Variants in HIVEP3 observed in about 807,000 individuals in gnomAD.
HIVEP3 encodes the protein HIVEP zinc finger 3.
In HIVEP3, 49 loss-of-function variants were observed where a neutral mutation model predicts 152.8. That is an observed-to-expected ratio of 0.32 (90% CI 0.26 to 0.41). The LOEUF is 0.41. Ranked by LOEUF, HIVEP3 falls within the 10% of genes least tolerant of loss-of-function variation. The pLI is 1.00. For missense variants in HIVEP3, 2,790 were observed against 3,103.3 expected (o/e 0.90, Z 2.40); for synonymous variants, 1,269 against 1,289.0 (o/e 0.98, Z 0.33).
intron 5 of HIVEP3, among the ~76,000 whole-genome samples, chr1:41,528,051 C>CCGT (rs1553220932): frequency 9.6e-5 from 12 of 124,818 alleles, no homozygotes; most frequent in Non-Finnish European, 1.6e-4. Flanking sequence ...CTCCACACCC[C>CCGT]CCTCACTTAC....
chr1:42,021,424 C>T (rs951012537), intron 1 of HIVEP3, among the ~76,000 whole-genome samples: 1 of 152,064 alleles, frequency 6.6e-6, no homozygotes, highest in Admixed American at 6.6e-5. Flanking sequence ...GTGGACAATG[C>T]TGCCATTTTA....
intron 1 of HIVEP3, among the ~76,000 whole-genome samples, chr1:41,783,026 A>G (rs1433665494): frequency 6.6e-6 from 1 of 152,152 alleles, no homozygotes; most frequent in Non-Finnish European, 1.5e-5. Flanking sequence ...TGGAAACCAA[A>G]CCAGGTTCCA....
chr1:41,527,450 TCACACC>T (rs1488268758), intron 5 of HIVEP3, among the ~76,000 whole-genome samples: 1 of 52,546 alleles, frequency 1.9e-5, no homozygotes, highest in Non-Finnish European at 3.9e-5. Context: ...ACCCTCACCC[TCACACC>T]CCTGTCCTCA....
chr1:41,543,618 C>T (rs1255805514), intron 5 of HIVEP3: 1 of 152,252 alleles, frequency 6.6e-6, no homozygotes, highest in African/African-American at 2.4e-5. Flanking sequence ...GCATAGACCC[C>T]TCAACACCTG....
intron 1 of HIVEP3, among the ~76,000 whole-genome samples, chr1:41,828,815 A>G (rs1244819593): frequency 6.6e-6 from 1 of 152,186 alleles, no homozygotes; most frequent in Non-Finnish European, 1.5e-5. Flanking sequence ...TCCATCCAGA[A>G]TCCCTTTCAT....
rs139361589 is a variant in HIVEP3 at position 41,510,922 on chromosome 1, C to T, written c.6750G>A (p.Ser2250=). The change falls in exon 9 of 9, where the codon TCG becomes TCA. Residue 2250 remains serine, a synonymous_variant. Transcript: ENST00000372583. ...ERGRWSPTES[S]SASVSPVAKV... The stretch of plus-strand genomic sequence containing the variant: ...TAGCCACAGGCGACACGGAGGCTGA[C>T]GAGCTCTCAGTGGGACTCCAGCGGC... 24 of 1,613,576 alleles carry T rather than the reference C, an allele frequency of 1.5e-5. No homozygotes were observed. Among genetic ancestry groups the T allele is most frequent in the African/African-American group, 4.0e-5 (3 of 75,024 alleles).
At chr1:41,851,967 G>T (rs1010118127) in intron 1 of HIVEP3, among the ~76,000 whole-genome samples, 1 of 152,222 alleles carries the variant, frequency 6.6e-6, no homozygotes, top group Non-Finnish European at 1.5e-5. Context: ...GCCTCATGGG[G>T]CTGGTAGAAA....
chr1:41,648,739 GCAAGAC>G (rs1406035140), intron 2 of HIVEP3, among the ~76,000 whole-genome samples: 1 of 152,218 alleles, frequency 6.6e-6, no homozygotes, highest in Non-Finnish European at 1.5e-5. Context: ...TGTACCAATG[GCAAGAC>G]CAAGGCATGG....
chr1:41,792,503 G>A (rs1204140265), intron 1 of HIVEP3, among the ~76,000 whole-genome samples: 1 of 152,136 alleles, frequency 6.6e-6, no homozygotes, highest in Admixed American at 6.5e-5. Flanking sequence ...GCCATACTTA[G>A]CAGGCACTCA....
At chr1:41,849,685 T>C (rs921087054) in intron 1 of HIVEP3, among the ~76,000 whole-genome samples, 8 of 151,546 alleles carry the variant, frequency 5.3e-5, no homozygotes, top group African/African-American at 1.2e-4. Flanking sequence ...CCATCAGTGG[T>C]AGACCCAAAT....
At position 42,000,966 on chromosome 1, in the gene HIVEP3, G is replaced by A. The variant is rs576064442; in HGVS notation, n.119+34841C>T. ...ATGTGCCAGGCACTATTCTAAGTGC[G>A]TTACATATAGTAATACTTGCAACAA... On this transcript the variant is annotated intron_variant and non_coding_transcript_variant, in intron 1 of 3. Coordinates refer to the HIVEP3 transcript ENST00000489103. Among the ~76,000 whole-genome samples the A allele has an allele frequency of 1.3e-4, 20 of 152,280 alleles. No individual in the cohort carries two copies. In the South Asian group the frequency reaches 3.5e-3, roughly 27 times the overall value.
intron 3 of HIVEP3, among the ~76,000 whole-genome samples, chr1:41,600,886 C>T (rs1341941400): frequency 6.6e-6 from 1 of 151,984 alleles, no homozygotes; most frequent in Non-Finnish European, 1.5e-5. Context: ...AGTCTTTAAT[C>T]CATTTTGAGT....
At chr1:41,992,238 A>G (rs1645366506) in intron 1 of HIVEP3, among the ~76,000 whole-genome samples, 1 of 152,132 alleles carries the variant, frequency 6.6e-6, no homozygotes, top group Non-Finnish European at 1.5e-5. Flanking sequence ...ATGATTGTAT[A>G]TCTAGAAAAC....
At chr1:41,688,407 G>T (rs1001285258) in intron 2 of HIVEP3, among the ~76,000 whole-genome samples, 3 of 152,176 alleles carry the variant, frequency 2.0e-5, no homozygotes, top group Non-Finnish European at 4.4e-5. Flanking sequence ...ACTTTTTCTG[G>T]TCATATGGCT....
intron 1 of HIVEP3, among the ~76,000 whole-genome samples, chr1:41,794,683 C>T (rs370811698): frequency 3.0e-4 from 46 of 152,304 alleles, no homozygotes; most frequent in African/African-American, 1.1e-3. Context: ...ATTATTGTAA[C>T]TTGCCTTTCT....
At chr1:41,843,077 G>A (rs947302536) in intron 1 of HIVEP3, among the ~76,000 whole-genome samples, 4 of 152,132 alleles carry the variant, frequency 2.6e-5, no homozygotes, top group East Asian at 1.9e-4. Context: ...CCTCCCCTCC[G>A]TTCCCCGTTA....
intron 3 of HIVEP3, among the ~76,000 whole-genome samples, chr1:41,623,614 G>A (rs1299882352): frequency 6.6e-6 from 1 of 152,154 alleles, no homozygotes; most frequent in African/African-American, 2.4e-5. Context: ...CTGAGTGAAG[G>A]GCAGGTGGCC....
At chr1:42,012,910 A>G (rs1306101372) in intron 1 of HIVEP3, among the ~76,000 whole-genome samples, 1 of 152,234 alleles carries the variant, frequency 6.6e-6, no homozygotes, top group Non-Finnish European at 1.5e-5. Flanking sequence ...TAGCAGCCTG[A>G]ACAGACCAAG....
chr1:42,026,071 A>T (rs1240584195), intron 1 of HIVEP3, among the ~76,000 whole-genome samples: 1 of 151,506 alleles, frequency 6.6e-6, no homozygotes, highest in East Asian at 2.0e-4. Context: ...CCTGTCTCAA[A>T]AGAGAAAAAA....
Sources: gnomAD v4.1 joint callset for allele counts (sites outside exome capture counted in the v4.1 genomes callset) on GRCh38, gnomAD v4.1.1 for gene constraint, MANE v1.5 for transcripts, NCBI Gene and HGNC (gene_info 2026-07-23, HGNC 2026-07-21) for gene names.